ATP11C: variants seen among roughly 807,000 people sequenced by gnomAD.
The protein encoded by ATP11C is ATPase phospholipid transporting 11C (ATP11C blood group), also known as phospholipid-transporting ATPase IG.
A neutral mutation model predicts 97.4 loss-of-function variants in ATP11C; 36 were observed. The observed-to-expected ratio is 0.37, with a 90% CI of 0.28 to 0.49. The LOEUF is 0.49. ATP11C is among the 20% of genes least tolerant of loss of function. The pLI is 0.98. For synonymous variants in ATP11C, 275 were observed against 290.9 expected, an observed-to-expected ratio of 0.95 and a Z score of 0.56; for missense variants, 730 against 824.6, an observed-to-expected ratio of 0.89 and a Z score of 1.40.
intron 11 of ATP11C, 99 bp downstream of exon 11, chrX:139,797,077 C>A (rs1486536904): frequency 2.7e-6 from 2 of 739,932 alleles, no homozygotes; most frequent in South Asian, 5.6e-5. Context: ...AGAGAAAATT[C>A]AGAAGCTAAC....
chrX:139,775,689 G>A (rs1478017243), intron 18 of ATP11C, among the ~76,000 whole-genome samples: 1 of 112,558 alleles, frequency 8.9e-6, no homozygotes, highest in Non-Finnish European at 1.9e-5. Flanking sequence ...TCAAACTGCT[G>A]GGGAACCCCT....
At chrX:139,843,922 A>C (rs2083871262) in intron 1 of ATP11C, among the ~76,000 whole-genome samples, 1 of 111,510 alleles carries the variant, frequency 9.0e-6, no homozygotes, top group South Asian at 3.7e-4. Context: ...GAAAAAAAAA[A>C]AAAACTGATG....
At chrX:139,807,953 T>TAAAA (rs60059544) in intron 5 of ATP11C, among the ~76,000 whole-genome samples, 3 of 76,867 alleles carry the variant, frequency 3.9e-5, no homozygotes, top group African/African-American at 1.0e-4. Context: ...CCCTGTCTCT[T>TAAAA]AAAAAAAAAA....
chrX:139,915,615 A>G (rs1019396883), intron 1 of ATP11C, among the ~76,000 whole-genome samples: 1 of 110,356 alleles, frequency 9.1e-6, no homozygotes, highest in Non-Finnish European at 1.9e-5. Context: ...GGTTACAGTG[A>G]GCCACTCCAC....
Position 139,731,672 on chromosome X carries a change from G to A in ATP11C, c.3372C>T (p.Asp1124=), listed in dbSNP as rs781247565. 1.3e-5 allele frequency: 16 copies of A among 1,186,973 alleles called. No homozygotes were observed. The South Asian group carries it at 1.8e-4, about 14-fold the overall frequency. ...VRPLLLRTFS[D]ESNVL is the part of the protein sequence containing the mutation. ...GTACCTGTTACAATACATTAGATTC[G>A]TCTGAGAATGTTCGTAAAAGAAGAG... is the stretch of plus-strand genomic sequence containing the variant. The change falls in exon 29 of 30, where the codon GAC becomes GAT. Residue 1124 remains aspartate (D), a synonymous_variant. Transcript: ENST00000682941.
intron 2 of ATP11C, among the ~76,000 whole-genome samples, chrX:139,824,245 A>G (rs1306105329): frequency 9.0e-6 from 1 of 110,974 alleles, no homozygotes; most frequent in Non-Finnish European, 1.9e-5. Flanking sequence ...ATAGCAGAGT[A>G]CAATCAATGC....
intron 16 of ATP11C, among the ~76,000 whole-genome samples, chrX:139,783,977 A>G (rs963234951): frequency 1.8e-5 from 2 of 112,414 alleles, no homozygotes; most frequent in East Asian, 2.8e-4. Flanking sequence ...TGAATAAACT[A>G]TATTAACTAG....
At chrX:139,747,897 A>T (rs1036299590) in intron 24 of ATP11C, among the ~76,000 whole-genome samples, 5 of 111,940 alleles carry the variant, frequency 4.5e-5, no homozygotes, top group African/African-American at 1.6e-4. Flanking sequence ...CAAAAAGGAA[A>T]GCCGCACTTT....
At chrX:139,896,599 T>A (rs1433757584) in intron 1 of ATP11C, among the ~76,000 whole-genome samples, 2 of 103,071 alleles carry the variant, frequency 1.9e-5, no homozygotes, top group African/African-American at 7.4e-5. Flanking sequence ...ACACACTTTT[T>A]TTCCCTTTCT....
chrX:139,754,011 C>T (rs1721239458), intron 23 of ATP11C, among the ~76,000 whole-genome samples: 1 of 109,978 alleles, frequency 9.1e-6, no homozygotes, highest in Non-Finnish European at 1.9e-5. Context: ...GCAAAAAAAC[C>T]ATACAAAAGA....
intron 1 of ATP11C, among the ~76,000 whole-genome samples, chrX:139,886,047 G>GA (rs984556098): frequency 1.8e-5 from 2 of 110,009 alleles, no homozygotes; most frequent in Admixed American, 9.7e-5. Flanking sequence ...ATAAGGTACA[G>GA]AAAAAAAATA....
intron 28 of ATP11C, chrX:139,732,620 G>C: frequency 4.5e-6 from 1 of 221,259 alleles, no homozygotes; most frequent in Non-Finnish European, 8.7e-6. Context: ...TCTCTCAAAT[G>C]TAAGACATTT....
intron 1 of ATP11C, among the ~76,000 whole-genome samples, chrX:139,842,548 G>C (rs1193812687): frequency 8.9e-6 from 1 of 112,547 alleles, no homozygotes; most frequent in East Asian, 2.8e-4. Context: ...CAATCTCATA[G>C]AGTTGACAGG....
At chrX:139,851,994 C>A (rs1275860508) in intron 1 of ATP11C, among the ~76,000 whole-genome samples, 1 of 110,471 alleles carries the variant, frequency 9.1e-6, no homozygotes, top group Non-Finnish European at 1.9e-5. Flanking sequence ...AGATGAGACT[C>A]TGGGATTTGG....
rs751086961 is a variant in ATP11C, at chrX:139,750,063, G to T, written c.2790C>A (p.Ile930=). 8 of 1,202,421 alleles carry T rather than the reference G, an allele frequency of 6.7e-6. No individual in the cohort carries two copies. The highest frequency in any genetic ancestry group is 5.9e-5 in the East Asian group (2 of 33,694). The change falls in exon 24 of 30, where the codon ATC becomes ATA. Residue 930 remains isoleucine, a synonymous_variant. Transcript: ENST00000682941. ...ILAYSLLEQH[I]NIDTLTSDPR... ...GATCTGAGGTCAGAGTGTCAATGTT[G>T]ATGTGCTGTTCCAGTAGACTATAGG...
intron 26 of ATP11C, among the ~76,000 whole-genome samples, chrX:139,741,584 G>A (rs965695806): frequency 6.3e-5 from 7 of 111,385 alleles, no homozygotes; most frequent in African/African-American, 1.3e-4. Context: ...CACAACAGAC[G>A]GGAGTCACTA....
At chrX:139,809,853 C>T (rs1468264649) in intron 5 of ATP11C, among the ~76,000 whole-genome samples, 1 of 110,777 alleles carries the variant, frequency 9.0e-6, no homozygotes, top group African/African-American at 3.3e-5. Flanking sequence ...GTAATCCCAG[C>T]TACTTGGGAG....
chrX:139,875,431 AAAAAAAG>A (rs2084454954), intron 1 of ATP11C, among the ~76,000 whole-genome samples: 1 of 107,891 alleles, frequency 9.3e-6, no homozygotes, highest in Non-Finnish European at 1.9e-5. Context: ...AAAAAAAAAA[AAAAAAAG>A]AAAAAAGAAA....
Position 139,785,245 on chromosome X carries a change from T to A in ATP11C, c.1647A>T (p.Val549=). ...NFDAVRRRMS[V]IVKTQEGDIL... is the part of the protein sequence containing the mutation. ...ATGTACCTTCTTGAGTCTTCACAAT[T>A]ACACTCATACGTCGCCGGACAGCAT... The change falls in exon 16 of 30, where the codon GTA becomes GTT. Residue 549 remains valine (V), a synonymous_variant. Coordinates refer to ENST00000682941, the MANE Select transcript of ATP11C (RefSeq NM_001353812.2). 8.3e-7 allele frequency: 1 copy of A among 1,207,476 alleles called. No homozygotes were observed. The highest frequency in any genetic ancestry group is 1.1e-6 in the Non-Finnish European group (1 of 892,986).
Sources: gnomAD v4.1 joint callset for allele counts (sites outside exome capture counted in the v4.1 genomes callset) on GRCh38, gnomAD v4.1.1 for gene constraint, MANE v1.5 for transcripts, NCBI Gene and HGNC (gene_info 2026-07-23, HGNC 2026-07-21) for gene names.